Variants in ANKRD30B observed in about 807,000 individuals in gnomAD.
The protein encoded by ANKRD30B is ankyrin repeat domain 30B.
A neutral mutation model predicts 202.2 loss-of-function variants in ANKRD30B; 144 were observed. The observed-to-expected ratio is 0.71, with a 90% CI of 0.62 to 0.82. The LOEUF (loss-of-function observed/expected upper bound fraction) is 0.82. Ranked by LOEUF, ANKRD30B falls within the 40% of genes least tolerant of loss-of-function variation. The pLI is 0.00. For missense variants in ANKRD30B, 1,487 were observed against 1,669.1 expected, an observed-to-expected ratio of 0.89 and a Z score of 1.90; for synonymous variants, 508 against 561.3, an observed-to-expected ratio of 0.91 and a Z score of 1.34.
the ANKRD30B span, among the ~76,000 whole-genome samples, chr18:14,934,667 C>T: frequency 3.3e-5 from 5 of 151,954 alleles, no homozygotes; most frequent in Non-Finnish European, 7.4e-5. Context: ...GGGGCTGGGT[C>T]AGGGAGGGGC....
At chr18:14,933,402 G>C in the ANKRD30B span, among the ~76,000 whole-genome samples, 2 of 152,222 alleles carry the variant, frequency 1.3e-5, no homozygotes, top group East Asian at 1.9e-4. Context: ...AGGCCCGGGG[G>C]TGGGTGCCTT....
rs1339104049 is a variant in ANKRD30B, at chr18:14,754,994, T to A, written c.606T>A (p.Asn202Lys). 1.3e-6 allele frequency: 2 copies of A among 1,519,724 alleles called. No homozygotes were observed. The highest frequency in any genetic ancestry group is 2.5e-5 in the East Asian group (1 of 40,258). The allele number at this position is 1,519,724 out of a possible 1,614,324, so 94.1% of individuals were successfully genotyped here. Residue 202 changes from asparagine to lysine, a missense_variant, in exon 4 of 44, where the codon AAT (asparagine) becomes AAA (lysine). Transcript: ENST00000690538. The stretch of plus-strand genomic sequence containing the variant: ...AAAATGCAAATGCAAACGCATTTAA[T>A]GAGTCTAAATGGTATGGTAGTTCTT... The part of the protein sequence containing the change: ...LTKNANANAF[N>K]ESKCTALMLA...
chr18:14,765,029 G>A (rs138205574), intron 7 of ANKRD30B, among the ~76,000 whole-genome samples: 5 of 152,296 alleles, frequency 3.3e-5, no homozygotes, highest in African/African-American at 1.2e-4. Flanking sequence ...GGCATAGGAA[G>A]CCAGTAATGT....
At chr18:14,927,629 T>C in the ANKRD30B span, among the ~76,000 whole-genome samples, 1 of 152,218 alleles carries the variant, frequency 6.6e-6, no homozygotes, top group African/African-American at 2.4e-5. Context: ...AGAGAACATA[T>C]CTGGATTTGG....
At chr18:14,766,606 G>A (rs368220808) in intron 7 of ANKRD30B, among the ~76,000 whole-genome samples, 5 of 151,978 alleles carry the variant, frequency 3.3e-5, no homozygotes, top group East Asian at 1.9e-4. Flanking sequence ...AAACATTCAT[G>A]TGGGATATTT....
intron 4 of ANKRD30B, 97 bp downstream of exon 4, chr18:14,755,102 A>C (rs1396945478): frequency 1.5e-6 from 1 of 683,006 alleles, no homozygotes; most frequent in Non-Finnish European, 2.2e-6. Flanking sequence ...CATTTAGTTA[A>C]AATTATTAGA....
chr18:14,836,791 A>G (rs1411590899), intron 34 of ANKRD30B, among the ~76,000 whole-genome samples: 1 of 151,676 alleles, frequency 6.6e-6, no homozygotes, highest in African/African-American at 2.4e-5. Context: ...ATGCCTTATT[A>G]TTTTGCACAT....
At chr18:14,774,724 T>TA in intron 9 of ANKRD30B, among the ~76,000 whole-genome samples, 1 of 152,126 alleles carries the variant, frequency 6.6e-6, no homozygotes. Context: ...TAGGAAGAGA[T>TA]ATTGCAAAAT....
At chr18:14,794,288 C>T (rs1968726836) in intron 16 of ANKRD30B, among the ~76,000 whole-genome samples, 1 of 151,604 alleles carries the variant, frequency 6.6e-6, no homozygotes, top group South Asian at 2.1e-4. Flanking sequence ...CCAGAGTTTT[C>T]AACCATAAAT....
At chr18:14,915,725 T>G in the ANKRD30B span, 1 of 152,216 alleles carries the variant, frequency 6.6e-6, no homozygotes, top group Non-Finnish European at 1.5e-5. Flanking sequence ...ATAAATGCTG[T>G]TTTTTATCTT....
chr18:14,833,150 T>A (rs1313274296), intron 34 of ANKRD30B, among the ~76,000 whole-genome samples: 5 of 151,854 alleles, frequency 3.3e-5, no homozygotes, highest in Admixed American at 6.6e-5. Context: ...TTGCCCAGGA[T>A]GGTGTCGATC....
At chr18:14,829,281 A>G (rs1418364477) in intron 33 of ANKRD30B, among the ~76,000 whole-genome samples, 2 of 152,290 alleles carry the variant, frequency 1.3e-5, no homozygotes, top group East Asian at 1.9e-4. Flanking sequence ...TGTTGTTCAC[A>G]TGGAGAATCT....
chr18:14,840,553 A>T (rs1971375225), intron 36 of ANKRD30B, 35 bp from the exon 37 acceptor site: 1 of 1,127,458 alleles, frequency 8.9e-7, no homozygotes, highest in African/African-American at 1.6e-5. Flanking sequence ...AAAATAGTAA[A>T]AAAAGAAATT....
chr18:14,753,087 A>G, intron 3 of ANKRD30B, 75 bp downstream of exon 3: 1 of 1,202,650 alleles, frequency 8.3e-7, no homozygotes, highest in Non-Finnish European at 1.1e-6. Context: ...TAAGGCTTTT[A>G]TATTTGGAAA....
chr18:14,879,597 G>A, the ANKRD30B span, among the ~76,000 whole-genome samples: 2 of 152,046 alleles, frequency 1.3e-5, no homozygotes, highest in South Asian at 4.1e-4. Flanking sequence ...AGGGTTTAGG[G>A]GTTGGAGATA....
At chr18:14,902,652 T>G in the ANKRD30B span, among the ~76,000 whole-genome samples, 2 of 152,122 alleles carry the variant, frequency 1.3e-5, no homozygotes, top group Non-Finnish European at 2.9e-5. Flanking sequence ...AACCTCACTC[T>G]CCATGTGTCT....
intron 3 of ANKRD30B, among the ~76,000 whole-genome samples, chr18:14,753,485 A>G (rs1913809920): frequency 6.6e-6 from 1 of 152,148 alleles, no homozygotes; most frequent in Non-Finnish European, 1.5e-5. Context: ...CACTGTGCCC[A>G]CCTAGTTACA....
chr18:14,758,047 A>G lies in ANKRD30B; in HGVS notation c.755+95A>G, dbSNP rs909838283. ...ACTTAGTTCACTTCATCAGCCAGAAACTAGGCAAAAAGCCAGACTAGTTAG... is the reference window on the plus strand; with the variant it reads ...ACTTAGTTCACTTCATCAGCCAGAAGCTAGGCAAAAAGCCAGACTAGTTAG... On this transcript the variant is annotated intron_variant, in intron 5 of 43. Transcript: ENST00000690538. The G allele has an allele frequency of 5.0e-6, 7 of 1,393,578 alleles. No homozygotes were observed. In the African/African-American group the frequency reaches 1.0e-4, roughly 20 times the overall value. 86.3% of individuals were successfully genotyped at this position (1,393,578 alleles called of 1,614,324 possible).
chr18:14,752,746 T>C (rs777383479), intron 2 of ANKRD30B, 66 bp downstream of exon 2: 2 of 1,535,448 alleles, frequency 1.3e-6, no homozygotes, highest in Admixed American at 4.0e-5. Flanking sequence ...TAAAAATGAA[T>C]TTAGTTGAAA....
Sources: gnomAD v4.1 joint callset for allele counts (sites outside exome capture counted in the v4.1 genomes callset) on GRCh38, gnomAD v4.1.1 for gene constraint, MANE v1.5 for transcripts, NCBI Gene and HGNC (gene_info 2026-07-23, HGNC 2026-07-21) for gene names.